Variants in TRIM5 observed in about 807,000 individuals in gnomAD.
TRIM5 encodes the protein tripartite motif containing 5, also known as tripartite motif-containing protein 5.
In TRIM5, 31 loss-of-function variants were observed where a neutral mutation model predicts 35.6. That is an observed-to-expected ratio of 0.87 (90% CI 0.65 to 1.18). TRIM5 has a LOEUF of 1.18. Ranked by LOEUF, TRIM5 falls within the 50% of genes most tolerant of loss-of-function variation. The pLI is 0.00. For missense variants in TRIM5, 609 were observed against 591.6 expected (o/e 1.03, Z -0.31); for synonymous variants, 243 against 215.6 (o/e 1.13, Z -1.11).
the TRIM5 span, among the ~76,000 whole-genome samples, chr11:5,635,310 C>G: frequency 2.1e-5 from 3 of 146,176 alleles, no homozygotes; most frequent in Non-Finnish European, 4.4e-5. Context: ...GGCTGGAGTG[C>G]AGTGGTGCGA....
chr11:5,611,475 A>G, the TRIM5 span: 1 of 837,534 alleles, frequency 1.2e-6, no homozygotes, highest in Non-Finnish European at 1.9e-6. Flanking sequence ...CTTTTTTGAG[A>G]TGGAATCTCG....
At chr11:5,680,704 T>C (rs1396345369) in intron 1 of TRIM5, among the ~76,000 whole-genome samples, 1 of 152,238 alleles carries the variant, frequency 6.6e-6, no homozygotes, top group Non-Finnish European at 1.5e-5. Context: ...TTACATGTTA[T>C]ATTATCAAAA....
At chr11:5,639,375 G>A in the TRIM5 span, among the ~76,000 whole-genome samples, 1 of 152,070 alleles carries the variant, frequency 6.6e-6, no homozygotes, top group Non-Finnish European at 1.5e-5. Context: ...CAGCACCTAT[G>A]TGTGAGCTAA....
chr11:5,637,361 C>T, the TRIM5 span, among the ~76,000 whole-genome samples: 1 of 152,148 alleles, frequency 6.6e-6, no homozygotes, highest in Non-Finnish European at 1.5e-5. Flanking sequence ...CTGCATTCAA[C>T]ACTTACTGCC....
the TRIM5 span, chr11:5,642,770 T>A: frequency 6.2e-7 from 1 of 1,612,550 alleles, no homozygotes; most frequent in Non-Finnish European, 8.5e-7. Context: ...TATCAGTGCT[T>A]ACTCCTTTGT....
At chr11:5,675,726 G>C (rs1851917128) in intron 4 of TRIM5, among the ~76,000 whole-genome samples, 1 of 145,274 alleles carries the variant, frequency 6.9e-6, no homozygotes. Context: ...TATACTTTAA[G>C]TTTTAGAGTA....
chr11:5,611,060 T>C, the TRIM5 span: 2 of 1,614,222 alleles, frequency 1.2e-6, no homozygotes, highest in East Asian at 4.5e-5. Flanking sequence ...ACTCCAGGTA[T>C]CAGCCTCAGA....
intron 4 of TRIM5, among the ~76,000 whole-genome samples, chr11:5,673,649 T>C (rs545623741): frequency 6.6e-6 from 1 of 152,106 alleles, no homozygotes; most frequent in South Asian, 2.1e-4. Flanking sequence ...ATATAAAACA[T>C]TTTCCTGCTC....
chr11:5,611,058 T>A, the TRIM5 span: 1 of 1,614,170 alleles, frequency 6.2e-7, no homozygotes, highest in Non-Finnish European at 8.5e-7. Context: ...TTACTCCAGG[T>A]ATCAGCCTCA....
chr11:5,643,878 T>C, the TRIM5 span: 1 of 862,080 alleles, frequency 1.2e-6, no homozygotes, highest in South Asian at 2.1e-5. Flanking sequence ...TGCTTATTTA[T>C]TCATTTACTC....
chr11:5,645,506 AG>A, the TRIM5 span, among the ~76,000 whole-genome samples: 1 of 152,156 alleles, frequency 6.6e-6, no homozygotes, highest in Non-Finnish European at 1.5e-5. Context: ...TAAAATGAAT[AG>A]GTTAAAATTA....
At chr11:5,657,444 G>C in the TRIM5 span, among the ~76,000 whole-genome samples, 1 of 145,134 alleles carries the variant, frequency 6.9e-6, no homozygotes, top group Admixed American at 7.2e-5. Context: ...ATGTATCCCA[G>C]AACTTAAAGT....
At chr11:5,666,545 A>G (rs1192321420) in intron 5 of TRIM5, among the ~76,000 whole-genome samples, 5 of 152,240 alleles carry the variant, frequency 3.3e-5, no homozygotes, top group Non-Finnish European at 5.9e-5. Context: ...TGTTTGACAC[A>G]TATCAAGAGA....
chr11:5,650,100 G>A, the TRIM5 span, among the ~76,000 whole-genome samples: 2 of 152,220 alleles, frequency 1.3e-5, no homozygotes, highest in African/African-American at 4.8e-5. Flanking sequence ...CATTCTGTAA[G>A]TCTGAGGATG....
the TRIM5 span, chr11:5,643,126 T>TATGTA: frequency 9.0e-7 from 1 of 1,115,534 alleles, no homozygotes. Context: ...TATATATATA[T>TATGTA]TTTTTTTTTT....
At chr11:5,601,410 A>G in the TRIM5 span, among the ~76,000 whole-genome samples, 2 of 152,214 alleles carry the variant, frequency 1.3e-5, no homozygotes, top group African/African-American at 4.8e-5. Flanking sequence ...AAAGAAAGCA[A>G]GAGAATGTGA....
At chr11:5,675,117 C>T (rs1373869774) in intron 4 of TRIM5, among the ~76,000 whole-genome samples, 1 of 152,008 alleles carries the variant, frequency 6.6e-6, no homozygotes, top group Non-Finnish European at 1.5e-5. Context: ...CAAGCTCCGC[C>T]TCCCGGGTTC....
the TRIM5 span, among the ~76,000 whole-genome samples, chr11:5,653,249 G>A: frequency 1.9e-4 from 29 of 151,990 alleles, no homozygotes; most frequent in Non-Finnish European, 3.2e-4. Context: ...TCTTTTTGTG[G>A]CTGTTGTGAA....
At chr11:5,592,842 G>A in the TRIM5 span, among the ~76,000 whole-genome samples, 77 of 149,528 alleles carry the variant, frequency 5.1e-4, no homozygotes, top group Non-Finnish European at 6.8e-4. Flanking sequence ...ACTTGAGCCC[G>A]AGAGTTTGTG....
Sources: gnomAD v4.1 joint callset for allele counts (sites outside exome capture counted in the v4.1 genomes callset) on GRCh38, gnomAD v4.1.1 for gene constraint, MANE v1.5 for transcripts, NCBI Gene and HGNC (gene_info 2026-07-23, HGNC 2026-07-21) for gene names.